CAPZB: variants seen among roughly 807,000 people sequenced by gnomAD.
CAPZB encodes capping actin protein of muscle Z-line subunit beta.
CAPZB carries 2 observed loss-of-function variants against 38.1 expected under a neutral mutation model. That is an observed-to-expected ratio of 0.05 (90% confidence interval 0.02 to 0.17). The LOEUF is 0.17. CAPZB is among the 10% of genes least tolerant of loss of function. CAPZB has a pLI of 1.00. For synonymous variants in CAPZB, 107 were observed against 127.4 expected (o/e 0.84, Z 1.08); for missense variants, 161 against 334.2 (o/e 0.48, Z 4.04).
chr1:19,483,618 T>C (rs1241535021), intron 1 of CAPZB, among the ~76,000 whole-genome samples: 2 of 152,236 alleles, frequency 1.3e-5, no homozygotes, highest in Non-Finnish European at 2.9e-5. Context: ...TCCCATCACC[T>C]GGCGAGAATC....
At chr1:19,361,994 G>T (rs1377917751) in intron 4 of CAPZB, among the ~76,000 whole-genome samples, 1 of 152,176 alleles carries the variant, frequency 6.6e-6, no homozygotes, top group Admixed American at 6.6e-5. Context: ...GCTGAGAGCA[G>T]GCTGCAGAGG....
chr1:19,466,052 C>G (rs2094568067), intron 1 of CAPZB, among the ~76,000 whole-genome samples: 1 of 152,148 alleles, frequency 6.6e-6, no homozygotes, highest in Non-Finnish European at 1.5e-5. Context: ...CCCAGGCAGT[C>G]TGGCCCCAGG....
At chr1:19,470,657 C>A (rs557785620) in intron 1 of CAPZB, among the ~76,000 whole-genome samples, 1 of 152,332 alleles carries the variant, frequency 6.6e-6, no homozygotes, top group South Asian at 2.1e-4. Context: ...AAGCCCCAAA[C>A]CCCTGTGAGC....
intron 1 of CAPZB, among the ~76,000 whole-genome samples, chr1:19,472,364 G>C (rs2094591777): frequency 6.6e-6 from 1 of 152,154 alleles, no homozygotes; most frequent in Non-Finnish European, 1.5e-5. Flanking sequence ...AACCCTTGGG[G>C]CATGAACTAA....
At chr1:19,439,121 G>A (rs2094467598) in intron 1 of CAPZB, among the ~76,000 whole-genome samples, 2 of 152,184 alleles carry the variant, frequency 1.3e-5, no homozygotes, top group Non-Finnish European at 2.9e-5. Flanking sequence ...AGCTGCCTGT[G>A]GCCAAGAAGC....
chr1:19,476,990 G>C (rs1170896723), intron 1 of CAPZB, among the ~76,000 whole-genome samples: 1 of 152,184 alleles, frequency 6.6e-6, no homozygotes, highest in Non-Finnish European at 1.5e-5. Context: ...TAACTAGCTG[G>C]GGGCCCTTCA....
chr1:19,476,168 GTAGA>G (rs200136717), intron 1 of CAPZB, among the ~76,000 whole-genome samples: 2,361 of 33,178 alleles, frequency 0.071, 46 homozygotes, highest in African/African-American at 0.075. Context: ...TAAAAAATAA[GTAGA>G]TAGATAGATA....
chr1:19,439,005 C>T (rs976725850), intron 1 of CAPZB, among the ~76,000 whole-genome samples: 2 of 152,182 alleles, frequency 1.3e-5, no homozygotes, highest in Non-Finnish European at 2.9e-5. Flanking sequence ...AACCAGATTC[C>T]CTCATCAGTT....
At chr1:19,479,225 A>C (rs554081292) in intron 1 of CAPZB, among the ~76,000 whole-genome samples, 18 of 152,222 alleles carry the variant, frequency 1.2e-4, no homozygotes, top group Middle Eastern at 3.4e-3. Flanking sequence ...AACAAACAAA[A>C]AAAAACTAGC....
intron 1 of CAPZB, among the ~76,000 whole-genome samples, chr1:19,437,704 C>A (rs185358694): frequency 7.2e-5 from 11 of 152,258 alleles, no homozygotes; most frequent in Non-Finnish European, 1.2e-4. Context: ...CCCTTGCTCC[C>A]GCCAGCCCAG....
chr1:19,363,260 A>AAT (rs755017379), intron 4 of CAPZB, among the ~76,000 whole-genome samples: 1 of 123,128 alleles, frequency 8.1e-6, no homozygotes. Flanking sequence ...TAAAAAAAAA[A>AAT]TTTTTTTTTT....
At chr1:19,440,005 C>T (rs1030885489) in intron 1 of CAPZB, among the ~76,000 whole-genome samples, 5 of 152,162 alleles carry the variant, frequency 3.3e-5, no homozygotes, top group South Asian at 2.1e-4. Flanking sequence ...AGGACCACAG[C>T]GTGGCCAGGT....
intron 1 of CAPZB, among the ~76,000 whole-genome samples, chr1:19,473,910 G>C (rs1321507280): frequency 1.3e-5 from 2 of 152,070 alleles, no homozygotes; most frequent in African/African-American, 2.4e-5. Context: ...GGTGTTAATA[G>C]CATGACAAAT....
chr1:19,409,822 G>A (rs1477407519), intron 2 of CAPZB, among the ~76,000 whole-genome samples: 1 of 152,212 alleles, frequency 6.6e-6, no homozygotes, highest in African/African-American at 2.4e-5. Context: ...TGCAGTCAAA[G>A]CTATCATTTC....
intron 1 of CAPZB, chr1:19,484,227 C>T (rs763539291): frequency 1.2e-6 from 2 of 1,612,634 alleles, no homozygotes; most frequent in Non-Finnish European, 1.7e-6. Context: ...AGTTCCAACC[C>T]TTGCAAGCTG....
intron 1 of CAPZB, among the ~76,000 whole-genome samples, chr1:19,480,827 A>T (rs1273138763): frequency 1.3e-5 from 2 of 152,128 alleles, no homozygotes; most frequent in Non-Finnish European, 2.9e-5. Flanking sequence ...AGCCAGACAA[A>T]CTCCAAAGCA....
rs372677014 is a variant in CAPZB at position 19,357,358 on chromosome 1, C to T, written c.471+64G>A. 6.7e-5 allele frequency: 98 copies of T among 1,462,730 alleles called. 1 individual carries two copies. In the African/African-American group the frequency reaches 6.9e-4, roughly 10 times the overall value. 90.6% of individuals were successfully genotyped at this position (1,462,730 alleles called of 1,614,324 possible). Reference sequence around the variant, plus strand: ...CTACTGCATCTGTTAGAGAGCAGCGCGGCACTGGTTGGTGTGCCATCTGTA... The same window carrying T: ...CTACTGCATCTGTTAGAGAGCAGCGTGGCACTGGTTGGTGTGCCATCTGTA... On this transcript the variant is annotated intron_variant, in intron 5 of 8. Coordinates refer to ENST00000264202, the MANE Select transcript of CAPZB (RefSeq NM_004930.5). This position sits in a 1 kb window ranked among gnomAD's most constrained non-coding sequence, Gnocchi z 4.3.
chr1:19,432,644 C>A (rs1198134825), intron 1 of CAPZB, among the ~76,000 whole-genome samples: 3 of 152,216 alleles, frequency 2.0e-5, no homozygotes, highest in Non-Finnish European at 2.9e-5. Context: ...GAGAGCCTCA[C>A]AACAGCTGCA....
intron 1 of CAPZB, among the ~76,000 whole-genome samples, chr1:19,451,152 T>C (rs1235191547): frequency 1.3e-5 from 2 of 152,136 alleles, no homozygotes; most frequent in African/African-American, 4.8e-5. Context: ...GGACCAGCTG[T>C]TGCTATTTCG....
Sources: gnomAD v4.1 joint callset for allele counts (sites outside exome capture counted in the v4.1 genomes callset) on GRCh38, gnomAD v4.1.1 for gene constraint, Gnocchi (gnomAD v3.1) non-coding constraint, MANE v1.5 for transcripts, NCBI Gene and HGNC (gene_info 2026-07-23, HGNC 2026-07-21) for gene names.